Variants in MAP3K21 observed in about 807,000 individuals in gnomAD.
MAP3K21 encodes mitogen-activated protein kinase kinase kinase MLK4.
MAP3K21 carries 63 observed loss-of-function variants against 86.1 expected under a neutral mutation model. The observed-to-expected ratio is 0.73, with a 90% CI of 0.60 to 0.90. The LOEUF is 0.90. MAP3K21 is among the 40% of genes least tolerant of loss of function. The probability of loss-of-function intolerance (pLI) is 0.00; values close to 1 mark genes in which losing one functional copy is unlikely to be tolerated. For missense variants in MAP3K21, 1,220 were observed against 1,367.7 expected (o/e 0.89, Z 1.70); for synonymous variants, 558 against 564.8 (o/e 0.99, Z 0.17).
intron 4 of MAP3K21, among the ~76,000 whole-genome samples, chr1:233,358,175 A>G (rs1205538367): frequency 1.3e-5 from 2 of 151,530 alleles, no homozygotes; most frequent in Non-Finnish European, 2.9e-5. Context: ...TGTGTCCCTC[A>G]GGGCTTGGGC....
chr1:233,349,452 C>T (rs894902153), intron 2 of MAP3K21, among the ~76,000 whole-genome samples: 2 of 152,092 alleles, frequency 1.3e-5, no homozygotes, highest in Non-Finnish European at 2.9e-5. Context: ...GAATGCTGTG[C>T]GGTCATGCTC....
At chr1:233,334,951 A>ATTTC (rs1481405281) in intron 1 of MAP3K21, among the ~76,000 whole-genome samples, 1 of 116,354 alleles carries the variant, frequency 8.6e-6, no homozygotes, top group East Asian at 3.1e-4. Context: ...TTTCTCTCTG[A>ATTTC]TTTCTTTCTT....
chr1:233,338,614 G>T (rs965177757), intron 1 of MAP3K21, among the ~76,000 whole-genome samples: 3 of 152,190 alleles, frequency 2.0e-5, no homozygotes, highest in African/African-American at 7.2e-5. Context: ...ATCTGGGAAA[G>T]AACATGCTTG....
intron 5 of MAP3K21, 95 bp from the exon 6 acceptor site, chr1:233,371,943 G>A (rs934629730): frequency 9.4e-6 from 12 of 1,280,400 alleles, no homozygotes; most frequent in Non-Finnish European, 1.3e-5. Flanking sequence ...GTTAGGGTCT[G>A]ACCATTTTTG....
intron 1 of MAP3K21, among the ~76,000 whole-genome samples, chr1:233,334,609 G>A (rs1743270): frequency 0.11 from 16,461 of 152,092 alleles, 1,100 homozygotes; most frequent in Middle Eastern, 0.17. Context: ...TTTTGGGGGG[G>A]AAGGAAACAG....
intron 9 of MAP3K21, among the ~76,000 whole-genome samples, chr1:233,380,338 G>T (rs1663891198): frequency 6.6e-6 from 1 of 152,204 alleles, no homozygotes; most frequent in South Asian, 2.1e-4. Flanking sequence ...CACTCTGAGT[G>T]CATCTGTGTC....
chr1:233,340,523 C>G (rs567098688), intron 1 of MAP3K21, among the ~76,000 whole-genome samples: 3 of 149,142 alleles, frequency 2.0e-5, no homozygotes, highest in African/African-American at 7.4e-5. Context: ...GGACGGAGGC[C>G]AAAATGAAAG....
chr1:233,328,132 C>G lies in MAP3K21; in HGVS notation c.104C>G (p.Ser35Trp). The change falls in exon 1 of 10, where the codon TCG becomes TGG. Residue 35 changes from serine (S) to tryptophan (W), a missense_variant. By Grantham distance (177) the Ser-to-Trp change is radical (BLOSUM62 -3). Coordinates refer to ENST00000366624, the MANE Select transcript of MAP3K21 (RefSeq NM_032435.3). The surrounding 1 kb of genome is among the most constrained non-coding windows in gnomAD (Gnocchi z 8.7). ...ASSSSTSSGG[S>W]ASAGAGLWAA... The stretch of plus-strand genomic sequence containing the variant: ...TCGTCGTCCACCTCCTCGGGCGGCT[C>G]GGCCTCGGCGGGCGCGGGGCTGTGG... The G allele has an allele frequency of 1.4e-6, 2 of 1,414,752 alleles. No individual in the cohort carries two copies. The highest frequency in any genetic ancestry group is 1.8e-6 in the Non-Finnish European group (2 of 1,089,538). The allele number at this position is 1,414,752 out of a possible 1,614,324, so 87.6% of individuals were successfully genotyped here.
At chr1:233,356,339 G>A (rs895226948) in intron 4 of MAP3K21, among the ~76,000 whole-genome samples, 1 of 152,138 alleles carries the variant, frequency 6.6e-6, no homozygotes, top group Admixed American at 6.5e-5. Flanking sequence ...TGCATACACA[G>A]CATTGAACAT....
intron 9 of MAP3K21, among the ~76,000 whole-genome samples, chr1:233,381,575 A>G (rs1368212507): frequency 6.6e-6 from 1 of 152,114 alleles, no homozygotes. Context: ...TTATATCTGG[A>G]TATGATATTT....
intron 1 of MAP3K21, among the ~76,000 whole-genome samples, chr1:233,332,356 G>C (rs1654429569): frequency 6.6e-6 from 1 of 152,048 alleles, no homozygotes; most frequent in South Asian, 2.1e-4. Flanking sequence ...TCCAGGGAAG[G>C]CACTCCGAGG....
At chr1:233,338,340 C>G (rs1662955525) in intron 1 of MAP3K21, among the ~76,000 whole-genome samples, 1 of 152,214 alleles carries the variant, frequency 6.6e-6, no homozygotes, top group African/African-American at 2.4e-5. Flanking sequence ...ATGCGGAACT[C>G]TCCTAGGCGC....
chr1:233,376,128 T>C, intron 7 of MAP3K21, 62 bp downstream of exon 7: 3 of 1,388,446 alleles, frequency 2.2e-6, no homozygotes, highest in Non-Finnish European at 3.0e-6. Context: ...CCTGTGTTAA[T>C]ATCACATCAG....
chr1:233,374,682 AG>A (rs1663754288), intron 6 of MAP3K21, among the ~76,000 whole-genome samples: 1 of 151,892 alleles, frequency 6.6e-6, no homozygotes, highest in Non-Finnish European at 1.5e-5. Context: ...ATCTGTGTTT[AG>A]TAACTTCTCC....
intron 6 of MAP3K21, among the ~76,000 whole-genome samples, chr1:233,375,467 C>T (rs10797451): frequency 0.2 from 31,104 of 151,962 alleles, 3,445 homozygotes; most frequent in East Asian, 0.32. Context: ...TAAATTGTGA[C>T]GACTTATGAA....
intron 2 of MAP3K21, 109 bp from the exon 3 acceptor site, chr1:233,353,698 G>A: frequency 9.6e-7 from 1 of 1,044,694 alleles, no homozygotes; most frequent in Non-Finnish European, 1.3e-6. Flanking sequence ...CTGGAATAGA[G>A]TGTCCTATTA....
intron 5 of MAP3K21, among the ~76,000 whole-genome samples, chr1:233,363,919 C>T (rs1050741614): frequency 7.3e-5 from 11 of 150,582 alleles, no homozygotes; most frequent in Non-Finnish European, 1.5e-4. Flanking sequence ...GAGGCTGAGG[C>T]GGGGGAATCT....
intron 3 of MAP3K21, among the ~76,000 whole-genome samples, chr1:233,354,634 T>C (rs1211593215): frequency 2.0e-5 from 3 of 152,238 alleles, no homozygotes; most frequent in Non-Finnish European, 2.9e-5. Flanking sequence ...TATGCATGCC[T>C]GTGACATGGA....
chr1:233,355,110 T>A, intron 4 of MAP3K21, 99 bp downstream of exon 4: 9 of 834,446 alleles, frequency 1.1e-5, no homozygotes, highest in Non-Finnish European at 1.6e-5. Flanking sequence ...AAAATATCTT[T>A]AGATATCAAT....
Sources: gnomAD v4.1 joint callset for allele counts (sites outside exome capture counted in the v4.1 genomes callset) on GRCh38, gnomAD v4.1.1 for gene constraint, Gnocchi (gnomAD v3.1) non-coding constraint, MANE v1.5 for transcripts, NCBI Gene and HGNC (gene_info 2026-07-23, HGNC 2026-07-21) for gene names.